MECOM: variants seen among roughly 807,000 people sequenced by gnomAD.
MECOM encodes MDS1 and EVI1 complex locus, also known as histone-lysine N-methyltransferase MECOM.
In MECOM, 13 loss-of-function variants were observed where a neutral mutation model predicts 116.3. The observed-to-expected ratio is 0.11, with a 90% CI of 0.07 to 0.18. The LOEUF (loss-of-function observed/expected upper bound fraction) is 0.18. Among genes scored for constraint, MECOM ranks in the 10% least tolerant of loss-of-function variants. The pLI, the probability that MECOM is intolerant of heterozygous loss-of-function variation, is 1.00. For missense variants in MECOM, 1,299 were observed against 1,509.0 expected, an observed-to-expected ratio of 0.86 and a Z score of 2.31; for synonymous variants, 528 against 535.2, an observed-to-expected ratio of 0.99 and a Z score of 0.19.
At position 169,663,582 on chromosome 3, in the gene MECOM, C is replaced by A. The variant is rs1776625165; in HGVS notation, c.-210G>T. 1 of 593,572 alleles carries A rather than the reference C, an allele frequency of 1.7e-6. No homozygotes were observed. Among genetic ancestry groups the A allele is most frequent in the Admixed American group, 3.0e-5 (1 of 32,986 alleles). The allele number at this position is 593,572 out of a possible 1,614,324, so 36.8% of individuals were successfully genotyped here. A position where few individuals can be genotyped will look rare whatever the true frequency, so the allele number is the denominator to read the frequency against. On this transcript the variant is annotated 5_prime_UTR_variant, in exon 1 of 17. Transcript: ENST00000651503. ...TCTCTCTCTTCCACACACTCACTCT[C>A]TGTATTTTCTTCTTTCACTCTCTCT...
At chr3:169,401,032 C>T (rs916324417) in intron 1 of MECOM, among the ~76,000 whole-genome samples, 17 of 152,138 alleles carry the variant, frequency 1.1e-4, no homozygotes, top group Admixed American at 4.6e-4. Flanking sequence ...ACTAATCAAG[C>T]GACTGCCTGT....
intron 2 of MECOM, among the ~76,000 whole-genome samples, chr3:169,378,435 A>AAGAAAGAAAGAAAGAG (rs1731516559): frequency 1.2e-5 from 1 of 81,790 alleles, no homozygotes; most frequent in Non-Finnish European, 2.1e-5. Context: ...GAAAGAAAGA[A>AAGAAAGAAAGAAAGAG]AGAAAGAAAG....
At chr3:169,389,592 T>C (rs1733916379) in intron 1 of MECOM, 1 of 985,420 alleles carries the variant, frequency 1.0e-6, no homozygotes, top group South Asian at 4.7e-5. Context: ...ATAAGCTTTC[T>C]ATGTCCCCAA....
intron 1 of MECOM, among the ~76,000 whole-genome samples, chr3:169,413,543 A>G (rs937893254): frequency 8.6e-5 from 13 of 151,144 alleles, no homozygotes; most frequent in African/African-American, 3.2e-4. Context: ...ACAGAACCAA[A>G]CACTACCCTG....
chr3:169,487,834 T>A (rs771903411), intron 1 of MECOM, among the ~76,000 whole-genome samples: 16 of 151,824 alleles, frequency 1.1e-4, no homozygotes, highest in Non-Finnish European at 2.2e-4. Context: ...AGTAAGTGGA[T>A]GAAAAAAATA....
intron 1 of MECOM, among the ~76,000 whole-genome samples, chr3:169,606,521 G>A (rs1434629545): frequency 6.6e-6 from 1 of 152,140 alleles, no homozygotes; most frequent in Non-Finnish European, 1.5e-5. Flanking sequence ...TGTTTTACAA[G>A]TATTAGATCT....
intron 1 of MECOM, among the ~76,000 whole-genome samples, chr3:169,405,499 C>T (rs1736559016): frequency 6.6e-6 from 1 of 152,138 alleles, no homozygotes; most frequent in Non-Finnish European, 1.5e-5. Context: ...TGTAAATTTG[C>T]AGCTTGTGCG....
chr3:169,208,432 A>G (rs1210959227), intron 2 of MECOM, among the ~76,000 whole-genome samples: 1 of 151,624 alleles, frequency 6.6e-6, no homozygotes, highest in Non-Finnish European at 1.5e-5. Context: ...AAAGCTCATA[A>G]CAGCTTCTGT....
intron 2 of MECOM, among the ~76,000 whole-genome samples, chr3:169,276,090 A>G (rs1324128043): frequency 6.6e-6 from 1 of 152,170 alleles, no homozygotes; most frequent in South Asian, 2.1e-4. Flanking sequence ...ATAACACTGC[A>G]TTTGTCTGCC....
At chr3:169,578,559 A>G (rs1460866948) in intron 1 of MECOM, among the ~76,000 whole-genome samples, 1 of 152,216 alleles carries the variant, frequency 6.6e-6, no homozygotes, top group Non-Finnish European at 1.5e-5. Context: ...ATCCAGTAAA[A>G]TTTATTGCAG....
At chr3:169,410,747 C>A (rs1019993378) in intron 1 of MECOM, among the ~76,000 whole-genome samples, 8 of 152,012 alleles carry the variant, frequency 5.3e-5, no homozygotes, top group African/African-American at 1.9e-4. Flanking sequence ...AACACAGCCG[C>A]CCTTTTCCTT....
Position 169,127,919 on chromosome 3 carries a change from C to T in MECOM, c.755G>A (p.Ser252Asn), listed in dbSNP as rs1202199138. Residue 252 changes from serine to asparagine, a missense_variant, in exon 5 of 17, where the codon AGC becomes AAC. Around this residue, in one of 6 missense-constraint regions of MECOM, gnomAD observed 374 missense variants for 433.4 expected, o/e 0.86. Transcript: ENST00000651503. ...GTGTATCTCTTGGAGATCATTCTCG[C>T]TTTCGAGTTTTTGCTGAAAGTCCTC... is the stretch of plus-strand genomic sequence containing the variant. ...VEEDFQQKLE[S>N]ENDLQEIHTI... The T allele has an allele frequency of 1.2e-6, 2 of 1,614,076 alleles. No homozygotes were observed. The highest frequency in any genetic ancestry group is 1.7e-5 in the Admixed American group (1 of 60,006).
intron 2 of MECOM, among the ~76,000 whole-genome samples, chr3:169,203,286 G>A (rs1054291594): frequency 3.3e-5 from 5 of 152,054 alleles, no homozygotes; most frequent in African/African-American, 1.2e-4. Context: ...TCGGCTAAAT[G>A]CAGCCCTTTT....
At chr3:169,250,447 T>C (rs1756121679) in intron 2 of MECOM, among the ~76,000 whole-genome samples, 1 of 152,204 alleles carries the variant, frequency 6.6e-6, no homozygotes, top group African/African-American at 2.4e-5. Context: ...ATGCAAAATG[T>C]AGAAACAAAA....
intron 2 of MECOM, among the ~76,000 whole-genome samples, chr3:169,150,724 TC>T (rs1741054466): frequency 6.6e-6 from 1 of 152,244 alleles, no homozygotes; most frequent in Non-Finnish European, 1.5e-5. Flanking sequence ...GATTATTTTT[TC>T]TTTCTTGATC....
At position 169,632,665 on chromosome 3, in the gene MECOM, C is replaced by T. The variant is rs556585795; in HGVS notation, c.37+30671G>A. Reference sequence around the variant, plus strand: ...GTAGATTGGCCAGAGTCACTTCTCTCACGTGCAAACACCAGAAAAACTGCT... The same window carrying T: ...GTAGATTGGCCAGAGTCACTTCTCTTACGTGCAAACACCAGAAAAACTGCT... On this transcript the variant is annotated intron_variant, in intron 1 of 16. Transcript: ENST00000651503. Among the ~76,000 whole-genome samples the T allele has an allele frequency of 3.3e-4, 51 of 152,294 alleles. 1 individual carries two copies. The highest frequency in any genetic ancestry group is 1.2e-3 in the African/African-American group (50 of 41,526).
chr3:169,317,449 G>A (rs774624081), intron 2 of MECOM, among the ~76,000 whole-genome samples: 25 of 152,088 alleles, frequency 1.6e-4, no homozygotes, highest in Non-Finnish European at 3.7e-4. Context: ...GGTTTCACTT[G>A]AAAAGGCTAT....
intron 2 of MECOM, among the ~76,000 whole-genome samples, chr3:169,225,844 G>A (rs1052403802): frequency 6.6e-6 from 1 of 152,146 alleles, no homozygotes; most frequent in African/African-American, 2.4e-5. Context: ...TCCTGACATC[G>A]TGATCCGCCT....
intron 1 of MECOM, among the ~76,000 whole-genome samples, chr3:169,525,656 A>G (rs1330406684): frequency 6.6e-6 from 1 of 152,240 alleles, no homozygotes; most frequent in East Asian, 1.9e-4. Flanking sequence ...AAGGAAAAGC[A>G]TATTAAATTG....
Sources: allele counts gnomAD v4.1 joint callset (sites outside exome capture counted in the v4.1 genomes callset), GRCh38; gene constraint gnomAD v4.1.1; regional missense constraint gnomAD v4.1.1; transcripts MANE v1.5; gene names NCBI Gene and HGNC (gene_info 2026-07-23, HGNC 2026-07-21).